The following PHKG1 variants were observed in gnomAD, a reference collection of about 807,000 sequenced individuals.
PHKG1 encodes phosphorylase b kinase gamma catalytic chain, skeletal muscle/heart isoform.
In PHKG1, 48 loss-of-function variants were observed where a neutral mutation model predicts 50.5. The ratio of observed to expected loss-of-function variants is 0.95; its 90% CI spans 0.75 to 1.21. PHKG1 has a LOEUF of 1.21. PHKG1 is among the 50% of genes most tolerant of loss of function. The pLI, the probability that PHKG1 is intolerant of heterozygous loss-of-function variation, is 0.00. For synonymous variants in PHKG1, 204 were observed against 212.8 expected (o/e 0.96, Z 0.36); for missense variants, 487 against 519.5 (o/e 0.94, Z 0.61).
Position 56,087,002 on chromosome 7 carries a change from C to T in PHKG1, c.285G>A (p.Glu95=). The T allele has an allele frequency of 6.2e-7, 1 of 1,613,434 alleles. No individual in the cohort carries two copies. Among genetic ancestry groups the T allele is most frequent in the Non-Finnish European group, 8.5e-7 (1 of 1,179,652 alleles). The change falls in exon 4 of 10, where the codon GAG becomes GAA. Residue 95 remains glutamate, a synonymous_variant. Transcript: ENST00000297373. ...PNIIQLKDTY[E]TNTFFFLVFD... ...ACACCAAGAAGAAGAAAGTGTTGGT[C>T]TCATAAGTGTCCTTCAGCTGTACTG... is the stretch of plus-strand genomic sequence containing the variant.
intron 2 of PHKG1, 38 bp downstream of exon 2, chr7:56,088,821 C>G (rs1157016908): frequency 6.9e-7 from 1 of 1,448,226 alleles, no homozygotes; most frequent in African/African-American, 1.4e-5. Context: ...TCTGCTGGAG[C>G]CTAGGACAGC....
At chr7:56,082,485 C>T (rs1796054411) in intron 6 of PHKG1, among the ~76,000 whole-genome samples, 1 of 152,070 alleles carries the variant, frequency 6.6e-6, no homozygotes, top group Non-Finnish European at 1.5e-5. Context: ...CCCAGCTACT[C>T]AGGAGGCTGA....
In PHKG1 at chr7:56,087,785, G is replaced by T; in HGVS notation, c.84-9C>A. On this transcript the variant is annotated splice_polypyrimidine_tract_variant and intron_variant, in intron 2 of 9. Transcript: ENST00000297373. ...CCACACTGCTAACGCCCCTGGGAGT[G>T]CAGAGGACAGATGGCCTCGGGGGGC... 1 of 1,605,978 alleles carries T rather than the reference G, an allele frequency of 6.2e-7. No homozygotes were observed. Among genetic ancestry groups the T allele is most frequent in the Non-Finnish European group, 8.5e-7 (1 of 1,176,756 alleles).
chr7:56,091,054 A>G (rs1215047645), intron 1 of PHKG1, among the ~76,000 whole-genome samples: 1 of 151,728 alleles, frequency 6.6e-6, no homozygotes, highest in Admixed American at 6.6e-5. Flanking sequence ...TCCGCAAAAA[A>G]TACAAAAATT....
rs1795979367 is a variant in PHKG1, at chr7:56,081,374, C to T, written c.919-75G>A. On this transcript the variant is annotated intron_variant, in intron 9 of 9. Coordinates refer to ENST00000297373, the MANE Select transcript of PHKG1 (RefSeq NM_006213.5). The surrounding 1 kb of genome is among the most constrained non-coding windows in gnomAD (Gnocchi z 4.6). ...CCTGCCCCTCCAGCACAGGGACGCT[C>T]TGGGCTCGTTTGCCACGAAGCCTTG... The T allele has an allele frequency of 1.3e-5, 20 of 1,514,418 alleles. No homozygotes were observed. Among genetic ancestry groups the T allele is most frequent in the Non-Finnish European group, 1.6e-5 (18 of 1,134,970 alleles). 93.8% of individuals were successfully genotyped at this position (1,514,418 alleles called of 1,614,324 possible). A position where few individuals can be genotyped will look rare whatever the true frequency, so the allele number is the denominator to read the frequency against.
rs559963666 is a variant in PHKG1 at position 56,083,565 on chromosome 7, C to T, written c.383+85G>A. ...CACACACGCCCAGCCCAGACATGTG[C>T]ACGCCCTGCCTCCCCTGAGACCCCA... is the stretch of plus-strand genomic sequence containing the variant. On this transcript the variant is annotated intron_variant, in intron 5 of 9. Transcript: ENST00000297373. The T allele has an allele frequency of 4.5e-5, 67 of 1,491,230 alleles. No homozygotes were observed. The Admixed American group carries it at 6.3e-4, about 14-fold the overall frequency. 92.4% of individuals were successfully genotyped at this position (1,491,230 alleles called of 1,614,324 possible).
At chr7:56,084,343 C>T (rs1796158075) in intron 4 of PHKG1, 1 of 659,306 alleles carries the variant, frequency 1.5e-6, no homozygotes, top group Admixed American at 2.8e-5. Context: ...GACCCCAGAC[C>T]CAGATCAGAA....
intron 3 of PHKG1, 36 bp downstream of exon 3, chr7:56,087,562 G>A: frequency 4.4e-6 from 7 of 1,592,556 alleles, no homozygotes; most frequent in Non-Finnish European, 6.0e-6. Context: ...AATCACAGGG[G>A]GGCACCCTGC....
At chr7:56,083,471 C>A (rs774057522) in intron 5 of PHKG1, 30 bp from the exon 6 acceptor site, 7 of 1,612,192 alleles carry the variant, frequency 4.3e-6, no homozygotes, top group Non-Finnish European at 5.9e-6. Context: ...TGTTACTCTT[C>A]CTCTGCTCAG....
chr7:56,090,120 T>TGG (rs947010315), intron 1 of PHKG1, among the ~76,000 whole-genome samples: 10 of 152,220 alleles, frequency 6.6e-5, no homozygotes, highest in Non-Finnish European at 1.5e-4. Context: ...TTTTTGTTTT[T>TGG]GGTGTTTTTT....
rs1250253617 is a variant in PHKG1, at chr7:56,080,972, C to T, written c.*82G>A. On this transcript the variant is annotated 3_prime_UTR_variant, in exon 10 of 10. Coordinates refer to ENST00000297373, the MANE Select transcript of PHKG1 (RefSeq NM_006213.5). ...CAAGTGCTCCTTCTGCAGAGGCCTGCACGCATCTCACCCCTTTGACTTGTA... is the reference window on the plus strand; with the variant it reads ...CAAGTGCTCCTTCTGCAGAGGCCTGTACGCATCTCACCCCTTTGACTTGTA... 1.3e-6 allele frequency: 2 copies of T among 1,512,794 alleles called. No homozygotes were observed. The highest frequency in any genetic ancestry group is 1.8e-6 in the Non-Finnish European group (2 of 1,111,014). 93.7% of individuals were successfully genotyped at this position (1,512,794 alleles called of 1,614,324 possible). A position where few individuals can be genotyped will look rare whatever the true frequency, so the allele number is the denominator to read the frequency against.
At chr7:56,087,194 TTTATTATTA>T (rs56665611) in intron 3 of PHKG1, among the ~76,000 whole-genome samples, 170 bp from the exon 4 acceptor site, 6,455 of 136,048 alleles carry the variant, frequency 0.047, 463 homozygotes, top group African/African-American at 0.16. Context: ...GCCCAGGGAC[TTTATTATTA>T]TTATTATTAT....
At position 56,083,426 on chromosome 7, in the gene PHKG1, A is replaced by G. The variant is rs779026911; in HGVS notation, c.399T>C (p.Ala133=). The G allele has an allele frequency of 6.2e-7, 1 of 1,614,118 alleles. No individual in the cohort carries two copies. Among genetic ancestry groups the G allele is most frequent in the Admixed American group, 1.7e-5 (1 of 60,010 alleles). ...SEKETRKIMR[A]LLEVICTLHK... is the part of the protein sequence containing the mutation. ...GCAAGGTGCAGATCACCTCCAGCAG[A>G]GCTCGCATGATCTTTCTAGGGTGGG... The change falls in exon 6 of 10, where the codon GCT becomes GCC. Residue 133 remains alanine (A), a synonymous_variant. Transcript: ENST00000297373.
At chr7:56,086,372 C>A (rs1261696387) in intron 4 of PHKG1, among the ~76,000 whole-genome samples, 1 of 151,902 alleles carries the variant, frequency 6.6e-6, no homozygotes, top group Non-Finnish European at 1.5e-5. Flanking sequence ...TAAAATAGAA[C>A]AATTATATCA....
chr7:56,081,639 C>A lies in PHKG1; in HGVS notation c.909G>T (p.Gly303=). 6.2e-7 allele frequency: 1 copy of A among 1,613,526 alleles called. No homozygotes were observed. Among genetic ancestry groups the A allele is most frequent in the South Asian group, 1.1e-5 (1 of 91,070 alleles). Residue 303 remains glycine (G), a synonymous_variant, in exon 9 of 10, where the codon GGG becomes GGT. Coordinates refer to ENST00000297373, the MANE Select transcript of PHKG1 (RefSeq NM_006213.5). The surrounding 1 kb of genome is among the most constrained non-coding windows in gnomAD (Gnocchi z 4.6). ...VEEVRHFSPR[G]KFKVIALTVL... The stretch of plus-strand genomic sequence containing the variant: ...TCAGGACGCTTAGTACCTTGAACTT[C>A]CCCCGGGGGCTGAAGTGCCGCACTT...
chr7:56,089,446 A>AG (rs376383947), intron 1 of PHKG1, among the ~76,000 whole-genome samples: 103,956 of 151,650 alleles, frequency 0.69, 35,757 homozygotes, highest in East Asian at 0.71. Context: ...TCTGTTACCC[A>AG]TCTCTGTACC....
intron 4 of PHKG1, 194 bp downstream of exon 4, chr7:56,086,776 G>A (rs770362728): frequency 1.7e-6 from 1 of 592,892 alleles, no homozygotes; most frequent in East Asian, 2.8e-5. Context: ...AAATGATCCA[G>A]CCCACAAGTG....
Position 56,083,431 on chromosome 7 carries a change from G to C in PHKG1, c.394C>G (p.Arg132Gly), listed in dbSNP as rs373657174. ...GTGCAGATCACCTCCAGCAGAGCTC[G>C]CATGATCTTTCTAGGGTGGGGCACA... is the stretch of plus-strand genomic sequence containing the variant. ...LSEKETRKIM[R>G]ALLEVICTLH... is the part of the protein sequence containing the mutation. Residue 132 changes from arginine (R) to glycine (G), a missense_variant, in exon 6 of 10, where the codon CGA becomes GGA. By Grantham distance (125) the Arg-to-Gly change is moderately radical. Coordinates refer to ENST00000297373, the MANE Select transcript of PHKG1 (RefSeq NM_006213.5). 8 of 1,614,006 alleles carry C rather than the reference G, an allele frequency of 5.0e-6. No individual in the cohort carries two copies. Among genetic ancestry groups the C allele is most frequent in the Admixed American group, 1.7e-5 (1 of 59,988 alleles).
rs781678431 is a variant in PHKG1, at chr7:56,081,780, G to A, written c.793-25C>T. 26 of 1,609,876 alleles carry A rather than the reference G, an allele frequency of 1.6e-5. No homozygotes were observed. The African/African-American group carries it at 2.5e-4, about 16-fold the overall frequency. ...CCTGTGAGAGGAGGAGAGGGGAACC[G>A]AGAATGTCAAGGCAGGTCCCCTCCA... On this transcript the variant is annotated intron_variant, in intron 8 of 9. Coordinates refer to ENST00000297373, the MANE Select transcript of PHKG1 (RefSeq NM_006213.5). The surrounding 1 kb of genome is among the most constrained non-coding windows in gnomAD (Gnocchi z 4.6).
Sources: allele counts gnomAD v4.1 joint callset (sites outside exome capture counted in the v4.1 genomes callset), GRCh38; gene constraint gnomAD v4.1.1; non-coding constraint Gnocchi (gnomAD v3.1); transcripts MANE v1.5; gene names NCBI Gene and HGNC (gene_info 2026-07-23, HGNC 2026-07-21).